Variants in MMAB observed in about 807,000 individuals in gnomAD.
MMAB encodes the protein metabolism of cobalamin associated B, also known as corrinoid adenosyltransferase MMAB.
MMAB carries 17 observed loss-of-function variants against 30.6 expected under a neutral mutation model. The ratio of observed to expected loss-of-function variants is 0.56; its 90% CI spans 0.38 to 0.83. The LOEUF is 0.83. Among genes scored for constraint, MMAB ranks in the 40% least tolerant of loss-of-function variants. The pLI is 0.00. For synonymous variants in MMAB, 134 were observed against 138.6 expected (o/e 0.97, Z 0.23); for missense variants, 311 against 331.6 (o/e 0.94, Z 0.48).
chr12:109,567,853 G>A (rs940947628), intron 3 of MMAB: 1 of 152,068 alleles, frequency 6.6e-6, no homozygotes. Context: ...GCTCAGGCTG[G>A]TCTCAAACTC....
At chr12:109,567,129 C>T (rs1422701139) in intron 3 of MMAB, 1 of 447,620 alleles carries the variant, frequency 2.2e-6, no homozygotes, top group Non-Finnish European at 4.5e-6. Flanking sequence ...GAGATCACAC[C>T]ATTGCACTCC....
Position 109,554,523 on chromosome 12 carries a change from CACG to C in MMAB, c.*2502_*2504del, listed in dbSNP as rs755885674. 4.0e-5 allele frequency: 18 copies of C among 454,006 alleles called. No homozygotes were observed. The highest frequency in any genetic ancestry group is 2.3e-4 in the South Asian group (15 of 64,482). The allele number at this position is 454,006 out of a possible 1,614,324, so 28.1% of individuals were successfully genotyped here. ...AAAAAATCTACGATAAGCAAGGGAT[CACG>C]ACTTTAAATAAAAACAGGCTGCTGT... is the stretch of plus-strand genomic sequence containing the variant. On this transcript the variant is annotated 3_prime_UTR_variant, in exon 9 of 9. Transcript: ENST00000545712.
intron 4 of MMAB, among the ~76,000 whole-genome samples, chr12:109,564,077 C>T (rs67583364): frequency 0.053 from 8,146 of 152,324 alleles, 302 homozygotes; most frequent in Non-Finnish European, 0.082. Flanking sequence ...CTGCATCGGG[C>T]ATGAGCGAGG....
Position 109,569,245 on chromosome 12 carries a change from C to G in MMAB, c.197-382G>C, listed in dbSNP as rs1337696407. Among the ~76,000 whole-genome samples, 1 of 152,170 alleles carries G rather than the reference C, an allele frequency of 6.6e-6. No individual in the cohort carries two copies. Among genetic ancestry groups the G allele is most frequent in the Non-Finnish European group, 1.5e-5 (1 of 68,038 alleles). On this transcript the variant is annotated intron_variant, in intron 2 of 8. Transcript: ENST00000545712. This position sits in a 1 kb window ranked among gnomAD's most constrained non-coding sequence, Gnocchi z 4.1. ...TACAGGCATGAGCCACCGTACCACC[C>G]CTTAAAGAACTTTCAACTTGAAATA... is the stretch of plus-strand genomic sequence containing the variant.
In MMAB at chr12:109,559,894, G is replaced by A. The variant is rs183106208; in HGVS notation, c.585-739C>T. Among the ~76,000 whole-genome samples the A allele has an allele frequency of 8.5e-5, 13 of 152,340 alleles. No homozygotes were observed. In the East Asian group the frequency reaches 1.9e-3, roughly 23 times the overall value. On this transcript the variant is annotated intron_variant, in intron 7 of 8. Transcript: ENST00000545712. The stretch of plus-strand genomic sequence containing the variant: ...CTCCAGGCTGTCTCTAGTGGGCACC[G>A]CATGCTCAGCGAGGAGCTTCCTCAC...
chr12:109,567,201 G>A (rs1197512018), intron 3 of MMAB: 5 of 384,472 alleles, frequency 1.3e-5, no homozygotes, highest in Non-Finnish European at 2.6e-5. Context: ...AGTGATAATA[G>A]CTAACATTAT....
At chr12:109,560,207 G>A (rs1409636490) in intron 7 of MMAB, among the ~76,000 whole-genome samples, 7 of 152,194 alleles carry the variant, frequency 4.6e-5, no homozygotes, top group African/African-American at 1.7e-4. Context: ...CCTTAGTGGT[G>A]TGGGACCGTG....
At chr12:109,560,957 G>C in intron 7 of MMAB, 83 bp downstream of exon 7, 1 of 1,188,020 alleles carries the variant, frequency 8.4e-7, no homozygotes, top group Admixed American at 2.0e-5. Context: ...CCCCATCTCC[G>C]TCCTCCTCTC....
At chr12:109,564,667 C>T (rs778225900) in intron 4 of MMAB, among the ~76,000 whole-genome samples, 6 of 151,568 alleles carry the variant, frequency 4.0e-5, no homozygotes, top group Admixed American at 2.0e-4. Flanking sequence ...GCTGGGATTA[C>T]AGGCTTAATT....
chr12:109,568,862 C>A lies in MMAB; in HGVS notation c.198G>T (p.Gly66=). 2 of 1,612,484 alleles carry A rather than the reference C, an allele frequency of 1.2e-6. No individual in the cohort carries two copies. The highest frequency in any genetic ancestry group is 2.7e-5 in the African/African-American group (2 of 74,912). Residue 66 remains glycine, a splice_region_variant and synonymous_variant, in exon 3 of 9, where the codon GGG becomes GGT. Coordinates refer to ENST00000545712, the MANE Select transcript of MMAB (RefSeq NM_052845.4). ...PKIYTKTGDK[G]FSSTFTGERR... ...TTTCTCCTGTGAAGGTACTAGAAAACCCTGTGGAAAAAAATGTTTAGCCAC... is the reference window on the plus strand; with the variant it reads ...TTTCTCCTGTGAAGGTACTAGAAAAACCTGTGGAAAAAAATGTTTAGCCAC...
At position 109,554,214 on chromosome 12, in the gene MMAB, A is replaced by G. The variant is rs903354583; in HGVS notation, c.*2814T>C. On this transcript the variant is annotated 3_prime_UTR_variant, in exon 9 of 9. Transcript: ENST00000545712. ...CCCAATGCCTCCTTCCAGGGCTGCT[A>G]TGGGGTTCAAATGAGATAATGTCTG... 1 of 453,834 alleles carries G rather than the reference A, an allele frequency of 2.2e-6. No homozygotes were observed. The highest frequency in any genetic ancestry group is 4.4e-6 in the Non-Finnish European group (1 of 226,602). 28.1% of individuals were successfully genotyped at this position (453,834 alleles called of 1,614,324 possible).
In MMAB at chr12:109,573,335, C is replaced by T; in HGVS notation, c.134+12G>A. ...GCAGGTGTTCGAGTTGCCCTTCCCG[C>T]CAGCCACTCACCTGTCCCCGTCTTC... is the stretch of plus-strand genomic sequence containing the variant. On this transcript the variant is annotated intron_variant, in intron 1 of 8. Coordinates refer to ENST00000545712, the MANE Select transcript of MMAB (RefSeq NM_052845.4). The T allele has an allele frequency of 2.5e-6, 4 of 1,613,166 alleles. No individual in the cohort carries two copies. The highest frequency in any genetic ancestry group is 3.4e-6 in the Non-Finnish European group (4 of 1,179,816).
chr12:109,563,855 C>A (rs889254786), intron 4 of MMAB, among the ~76,000 whole-genome samples: 1 of 152,182 alleles, frequency 6.6e-6, no homozygotes, highest in Non-Finnish European at 1.5e-5. Context: ...GAAGGGCTGA[C>A]CCTGCGGGGA....
At position 109,554,931 on chromosome 12, in the gene MMAB, G is replaced by A. The variant is rs1322967086; in HGVS notation, c.*2097C>T. On this transcript the variant is annotated 3_prime_UTR_variant, in exon 9 of 9. Coordinates refer to ENST00000545712, the MANE Select transcript of MMAB (RefSeq NM_052845.4). ...CAGGTGGTTTCTCAGAGAAGTGTTT[G>A]CTGGTGAACCGGGAGACAGATACAG... 1 of 454,024 alleles carries A rather than the reference G, an allele frequency of 2.2e-6. No individual in the cohort carries two copies. Among genetic ancestry groups the A allele is most frequent in the Non-Finnish European group, 4.4e-6 (1 of 226,810 alleles). The allele number at this position is 454,024 out of a possible 1,614,324, so 28.1% of individuals were successfully genotyped here.
chr12:109,563,818 C>T (rs1053790970), intron 4 of MMAB, among the ~76,000 whole-genome samples: 1 of 152,220 alleles, frequency 6.6e-6, no homozygotes, highest in African/African-American at 2.4e-5. Context: ...TGAGCAGGCT[C>T]CAGCCTGGGC....
intron 8 of MMAB, 94 bp downstream of exon 8, chr12:109,559,002 G>A: frequency 1.1e-6 from 1 of 909,810 alleles, no homozygotes; most frequent in Admixed American, 1.8e-5. Flanking sequence ...CGGGAATGCT[G>A]CCCCACACTG....
rs547098891 is a variant in MMAB at position 109,563,430 on chromosome 12, C to T, written c.349-1578G>A. On this transcript the variant is annotated intron_variant, in intron 4 of 8. Coordinates refer to ENST00000545712, the MANE Select transcript of MMAB (RefSeq NM_052845.4). ...TGCCCGGCCTCATCCACAGGCCCTG[C>T]GAGCGGCTACCAGGCCAGGCGGGGC... Among the ~76,000 whole-genome samples, 45 of 152,336 alleles carry T rather than the reference C, an allele frequency of 3.0e-4. No homozygotes were observed. The South Asian group carries it at 8.1e-3, about 27-fold the overall frequency.
chr12:109,562,875 A>G (rs530098182), intron 4 of MMAB, among the ~76,000 whole-genome samples: 1 of 152,316 alleles, frequency 6.6e-6, no homozygotes, highest in Admixed American at 6.5e-5. Flanking sequence ...CCCCTGCATG[A>G]CAAATGTCCA....
At position 109,573,456 on chromosome 12, in the gene MMAB, G is replaced by A. The variant is rs745645666; in HGVS notation, c.25C>T (p.Arg9Cys). 30 of 1,606,674 alleles carry A rather than the reference G, an allele frequency of 1.9e-5. No individual in the cohort carries two copies. The highest frequency in any genetic ancestry group is 2.3e-5 in the Non-Finnish European group (27 of 1,178,802). The change falls in exon 1 of 9, where the codon CGT becomes TGT. Residue 9 changes from arginine (R) to cysteine (C), a missense_variant. Transcript: ENST00000545712. MAVCGLGS[R>C]LGLGSRLGLR... ...CCAAGACGGCTCCCCAGGCCAAGAC[G>A]GCTCCCCAGGCCGCACACAGCCATG...
Sources: allele counts gnomAD v4.1 joint callset (sites outside exome capture counted in the v4.1 genomes callset), GRCh38; gene constraint gnomAD v4.1.1; non-coding constraint Gnocchi (gnomAD v3.1); transcripts MANE v1.5; gene names NCBI Gene and HGNC (gene_info 2026-07-23, HGNC 2026-07-21).